Variants in MAP4 observed in about 807,000 individuals in gnomAD.
MAP4 encodes the protein microtubule associated protein 4.
In MAP4, 76 loss-of-function variants were observed where a neutral mutation model predicts 170.2. The ratio of observed to expected loss-of-function variants is 0.45; its 90% CI spans 0.37 to 0.54. The LOEUF is 0.54. Among genes scored for constraint, MAP4 ranks in the 20% least tolerant of loss-of-function variants. The probability of loss-of-function intolerance (pLI) is 0.00; values close to 1 mark genes in which losing one functional copy is unlikely to be tolerated. For missense variants in MAP4, 2,506 were observed against 2,748.0 expected (o/e 0.91, Z 1.97); for synonymous variants, 909 against 994.5 (o/e 0.91, Z 1.62).
rs1322696879 is a variant in MAP4, at chr3:48,038,537, T to C, written c.-19-39658A>G. Among the ~76,000 whole-genome samples, 4 of 147,250 alleles carry C rather than the reference T, an allele frequency of 2.7e-5. No individual in the cohort carries two copies. The East Asian group carries it at 8.4e-4, about 31-fold the overall frequency. On this transcript the variant is annotated intron_variant, in intron 1 of 18. Transcript: ENST00000360240. ...GTGCAGTGGCACGATCTTGGCTCAC[T>C]GCAAGCTCTGCCTTCCAGGTTCATG...
chr3:47,969,061 T>C (rs1000682174), intron 3 of MAP4, among the ~76,000 whole-genome samples: 6 of 152,066 alleles, frequency 3.9e-5, no homozygotes, highest in African/African-American at 1.4e-4. Flanking sequence ...GGGTGGAAAA[T>C]TCCAAAACTA....
chr3:48,079,898 C>A (rs1306370172), intron 1 of MAP4, among the ~76,000 whole-genome samples: 1 of 150,382 alleles, frequency 6.6e-6, no homozygotes, highest in Non-Finnish European at 1.5e-5. Flanking sequence ...TGCAGTGAGC[C>A]GAGATAGTGC....
chr3:47,989,563 T>G (rs1450639118), intron 2 of MAP4, among the ~76,000 whole-genome samples: 1 of 152,088 alleles, frequency 6.6e-6, no homozygotes, highest in African/African-American at 2.4e-5. Flanking sequence ...TTTACTAGAA[T>G]AAAATAAAAT....
chr3:47,891,013 T>A, intron 10 of MAP4: 1 of 1,459,114 alleles, frequency 6.9e-7, no homozygotes, highest in South Asian at 1.4e-5. Context: ...AGGCAAAATT[T>A]AGAAACATAC....
At chr3:47,979,204 C>G (rs1275346182) in intron 2 of MAP4, among the ~76,000 whole-genome samples, 4 of 150,882 alleles carry the variant, frequency 2.7e-5, no homozygotes, top group African/African-American at 7.3e-5. Context: ...CTGTACATTC[C>G]TAAGTTTCTA....
Position 47,852,865 on chromosome 3 carries a change from C to T in MAP4, c.*69G>A, listed in dbSNP as rs780981104. On this transcript the variant is annotated 3_prime_UTR_variant, in exon 21 of 21. Coordinates refer to ENST00000683076, the MANE Select transcript of MAP4 (RefSeq NM_001385682.1). ...GGGGCCGCCAGGGAAGTGTGGGGGGCGGGAGACAATGTCGGCCCCGTGGTC... is the reference window on the plus strand; with the variant it reads ...GGGGCCGCCAGGGAAGTGTGGGGGGTGGGAGACAATGTCGGCCCCGTGGTC... 2.8e-4 allele frequency: 445 copies of T among 1,569,108 alleles called. No individual in the cohort carries two copies. Among genetic ancestry groups the T allele is most frequent in the Middle Eastern group, 5.0e-4 (3 of 5,998 alleles).
intron 1 of MAP4, among the ~76,000 whole-genome samples, chr3:48,007,048 C>A (rs1390027986): frequency 2.0e-5 from 3 of 152,234 alleles, no homozygotes; most frequent in African/African-American, 7.2e-5. Context: ...GGCTTTGTGT[C>A]ATAATCTTAT....
chr3:48,078,627 G>T (rs1579868040), intron 1 of MAP4, among the ~76,000 whole-genome samples: 1 of 152,084 alleles, frequency 6.6e-6, no homozygotes, highest in South Asian at 2.1e-4. Flanking sequence ...CTGATATGTA[G>T]AGAACTAAGC....
intron 1 of MAP4, among the ~76,000 whole-genome samples, chr3:48,086,804 A>C (rs1474230838): frequency 6.6e-6 from 1 of 152,210 alleles, no homozygotes; most frequent in African/African-American, 2.4e-5. Context: ...CATGGCACTT[A>C]ATACTTCCAA....
intron 10 of MAP4, among the ~76,000 whole-genome samples, chr3:47,901,984 A>AC: frequency 6.6e-6 from 1 of 152,130 alleles, no homozygotes; most frequent in East Asian, 1.9e-4. Flanking sequence ...ACAGAGTGAG[A>AC]CCCCATCTCT....
chr3:47,925,941 G>C (rs923029178), intron 4 of MAP4, among the ~76,000 whole-genome samples: 4 of 152,230 alleles, frequency 2.6e-5, no homozygotes, highest in African/African-American at 9.6e-5. Context: ...TGCAACCTCT[G>C]CCTCCCGGGC....
At chr3:47,990,967 G>T (rs1266433021) in intron 2 of MAP4, among the ~76,000 whole-genome samples, 1 of 152,084 alleles carries the variant, frequency 6.6e-6, no homozygotes, top group Non-Finnish European at 1.5e-5. Context: ...TTTATTTCTA[G>T]GTATTGGTAT....
chr3:48,066,200 AT>A (rs1324009424), intron 1 of MAP4, among the ~76,000 whole-genome samples: 1 of 152,194 alleles, frequency 6.6e-6, no homozygotes, highest in African/African-American at 2.4e-5. Flanking sequence ...TTACAAAAAC[AT>A]TAAAGGTCAT....
chr3:47,973,833 G>A lies in MAP4; in HGVS notation c.292+4032C>T. 3 of 985,302 alleles carry A rather than the reference G, an allele frequency of 3.0e-6. No homozygotes were observed. In the South Asian group the frequency reaches 1.4e-4, roughly 46 times the overall value. The allele number at this position is 985,302 out of a possible 1,614,324, so 61.0% of individuals were successfully genotyped here. On this transcript the variant is annotated intron_variant, in intron 3 of 20. Transcript: ENST00000683076. Reference sequence around the variant, plus strand: ...CTTAATAAATAACTGTACACCAAAGGGAAAGGGTTGTGTTTTCTTTGATGG... The same window carrying A: ...CTTAATAAATAACTGTACACCAAAGAGAAAGGGTTGTGTTTTCTTTGATGG...
chr3:48,054,168 C>T (rs563147777), intron 1 of MAP4, among the ~76,000 whole-genome samples: 5 of 151,456 alleles, frequency 3.3e-5, no homozygotes, highest in Admixed American at 6.6e-5. Context: ...TGTGGTGGCA[C>T]GCACCTGTAG....
At position 47,885,463 on chromosome 3, in the gene MAP4, T is replaced by C. The variant is rs1053678318; in HGVS notation, c.5435-7940A>G. 1.4e-4 allele frequency among the ~76,000 whole-genome samples: 22 copies of C among 152,200 alleles called. 1 individual carries two copies. The highest frequency in any genetic ancestry group is 2.9e-4 in the Non-Finnish European group (20 of 68,036). ...TCAAGTCCTGAGATCCCTACCAGGT[T>C]TGCCTTCTTTCTACCTCATATTCTT... On this transcript the variant is annotated intron_variant, in intron 10 of 20. Coordinates refer to ENST00000683076, the MANE Select transcript of MAP4 (RefSeq NM_001385682.1).
chr3:48,033,445 T>C (rs1167440873), intron 1 of MAP4, among the ~76,000 whole-genome samples: 2 of 152,234 alleles, frequency 1.3e-5, no homozygotes, highest in Non-Finnish European at 2.9e-5. Context: ...AATCTACCAT[T>C]TTATTTTGTA....
Position 47,977,900 on chromosome 3 carries a change from T to C in MAP4, c.257A>G (p.Asn86Ser), listed in dbSNP as rs1333667442. 11 of 1,612,968 alleles carry C rather than the reference T, an allele frequency of 6.8e-6. No individual in the cohort carries two copies. The highest frequency in any genetic ancestry group is 6.7e-5 in the Admixed American group (4 of 60,000). The change falls in exon 3 of 21, where the codon AAT becomes AGT. Residue 86 changes from asparagine to serine, a missense_variant. Asn to Ser is a conservative substitution (Grantham distance 46). Around this residue, in one of 3 missense-constraint regions of MAP4, gnomAD observed 2,008 missense variants for 2,206.0 expected, o/e 0.91. Coordinates refer to ENST00000683076, the MANE Select transcript of MAP4 (RefSeq NM_001385682.1). ...TPSSKPTLLA[N>S]GGHGVEGSDT... ...GCTCCCTTCTACTCCATGACCACCA[T>C]TGGCTAGGAGTGTTGGTTTAGAAGA...
In MAP4 at chr3:48,074,676, T is replaced by TTTTTTGTGTGTGTGTG. The variant is rs746281743; in HGVS notation, c.-20+14096_-20+14097insCACACACACACAAAAA. ...GGGGCAAGCCACCACATCCAGCTAA[T>TTTTTTGTGTGTGTGTG]TGTGTGTGTGTGTGTGTGTGTGTGT... is the stretch of plus-strand genomic sequence containing the variant. On this transcript the variant is annotated intron_variant, in intron 1 of 18. Coordinates refer to the MAP4 transcript ENST00000360240. 4.4e-5 allele frequency among the ~76,000 whole-genome samples: 4 copies of TTTTTTGTGTGTGTGTG among 90,640 alleles called. No homozygotes were observed. In the East Asian group the frequency reaches 1.0e-3, roughly 23 times the overall value. 59.5% of individuals were successfully genotyped at this position (90,640 alleles called of 152,430 possible).
Sources: gnomAD v4.1 joint callset for allele counts (sites outside exome capture counted in the v4.1 genomes callset) on GRCh38, gnomAD v4.1.1 for gene constraint, gnomAD v4.1.1 regional missense constraint, MANE v1.5 for transcripts, NCBI Gene and HGNC (gene_info 2026-07-23, HGNC 2026-07-21) for gene names.